Variants in DSG1 observed in about 807,000 individuals in gnomAD.
DSG1 encodes the protein desmoglein-1.
In DSG1, 39 loss-of-function variants were observed where a neutral mutation model predicts 97.5. The observed-to-expected ratio is 0.40, with a 90% CI of 0.31 to 0.52. The LOEUF is 0.52. DSG1 is among the 20% of genes least tolerant of loss of function. DSG1 has a pLI of 0.53. For synonymous variants in DSG1, 475 were observed against 443.4 expected (o/e 1.07, Z -0.90); for missense variants, 1,311 against 1,295.4 (o/e 1.01, Z -0.18).
At position 31,334,147 on chromosome 18, in the gene DSG1, G is replaced by C; in HGVS notation, c.950G>C (p.Trp317Ser). The change falls in exon 8 of 15, where the codon TGG becomes TCG. Residue 317 changes from tryptophan to serine, a missense_variant. Transcript: ENST00000257192. ...IFFISGNEGN[W>S]FEIEMNERTN... is the part of the protein sequence containing the mutation. ...TTTATCTCTGGAAATGAAGGAAATT[G>C]GTTTGAGATAGAAATGAATGAAAGA... 2 of 1,609,562 alleles carry C rather than the reference G, an allele frequency of 1.2e-6. No homozygotes were observed. Among genetic ancestry groups the C allele is most frequent in the South Asian group, 2.2e-5 (2 of 90,960 alleles).
intron 3 of DSG1, among the ~76,000 whole-genome samples, chr18:31,327,458 A>T (rs192754484): frequency 6.6e-6 from 1 of 151,958 alleles, no homozygotes; most frequent in East Asian, 1.9e-4. Flanking sequence ...TTCTACATAC[A>T]CACACACTCA....
In DSG1 at chr18:31,354,958, T is replaced by C; in HGVS notation, c.2762T>C (p.Val921Ala). 6.2e-7 allele frequency: 1 copy of C among 1,614,108 alleles called. No homozygotes were observed. Among genetic ancestry groups the C allele is most frequent in the Non-Finnish European group, 8.5e-7 (1 of 1,180,026 alleles). ...IHHPRESSNV[V>A]VTERVIQPTS... ...CATCCTAGAGAGTCTTCAAATGTGG[T>C]AGTGACAGAAAGAGTAATCCAACCA... The change falls in exon 15 of 15, where the codon GTA (valine) becomes GCA (alanine). Residue 921 changes from valine to alanine, a missense_variant. Coordinates refer to ENST00000257192, the MANE Select transcript of DSG1 (RefSeq NM_001942.4).
chr18:31,340,018 C>T lies in DSG1; in HGVS notation c.1680C>T (p.Val560=), dbSNP rs760937538. 1 of 1,613,970 alleles carries T rather than the reference C, an allele frequency of 6.2e-7. No homozygotes were observed. Among genetic ancestry groups the T allele is most frequent in the Admixed American group, 1.7e-5 (1 of 60,010 alleles). The part of the protein sequence containing the change: ...GIGLLIMGFL[V]LGLVPFLMIC... ...GACTCCTCATCATGGGATTCTTGGTCTTAGGATGTAAGTACTTTAGCAATC... is the reference window on the plus strand; with the variant it reads ...GACTCCTCATCATGGGATTCTTGGTTTTAGGATGTAAGTACTTTAGCAATC... The change falls in exon 11 of 15, where the codon GTC becomes GTT. Residue 560 remains valine, a synonymous_variant. Transcript: ENST00000257192.
chr18:31,328,121 G>A, intron 3 of DSG1, 68 bp from the exon 4 acceptor site: 1 of 1,545,344 alleles, frequency 6.5e-7, no homozygotes, highest in African/African-American at 1.4e-5. Context: ...TCTCAAGAAA[G>A]CTGTCGTATA....
At position 31,355,511 on chromosome 18, in the gene DSG1, G is replaced by A. The variant is rs374118519; in HGVS notation, c.*165G>A. On this transcript the variant is annotated 3_prime_UTR_variant, in exon 15 of 15. Coordinates refer to ENST00000257192, the MANE Select transcript of DSG1 (RefSeq NM_001942.4). ...AATAAATGGAAACACCACTGCTAGG[G>A]GAGAGCTCTCCTTAGCATTCATAAA... is the stretch of plus-strand genomic sequence containing the variant. 9.2e-5 allele frequency: 66 copies of A among 720,856 alleles called. 2 individuals are homozygous for A. Among genetic ancestry groups the A allele is most frequent in the African/African-American group, 6.8e-4 (39 of 57,100 alleles). 44.7% of individuals were successfully genotyped at this position (720,856 alleles called of 1,614,324 possible).
chr18:31,337,816 G>A (rs1049592875), intron 9 of DSG1, among the ~76,000 whole-genome samples: 26 of 152,182 alleles, frequency 1.7e-4, no homozygotes, highest in Admixed American at 1.5e-3. Flanking sequence ...ATAGAATAGA[G>A]GCTCAAGGCA....
At chr18:31,323,518 C>T (rs754179153) in intron 1 of DSG1, among the ~76,000 whole-genome samples, 2 of 152,146 alleles carry the variant, frequency 1.3e-5, no homozygotes, top group Admixed American at 1.3e-4. Context: ...TGCCCATTCT[C>T]TCCTGCTCTC....
chr18:31,319,387 T>G (rs976469417), intron 1 of DSG1, among the ~76,000 whole-genome samples: 5 of 152,188 alleles, frequency 3.3e-5, no homozygotes, highest in African/African-American at 1.2e-4. Context: ...TGATTCAAAG[T>G]ATGCTGGTTA....
chr18:31,347,115 A>C (rs1325764620), intron 14 of DSG1, among the ~76,000 whole-genome samples: 2 of 152,192 alleles, frequency 1.3e-5, no homozygotes, highest in Non-Finnish European at 2.9e-5. Context: ...TTCTGGCCTA[A>C]AGTGGTTTCA....
chr18:31,328,215 G>C lies in DSG1; in HGVS notation c.243G>C (p.Gln81His), dbSNP rs74368609. The C allele has an allele frequency of 1.0e-3, 1,694 of 1,613,508 alleles. 18 individuals carry two copies. The African/African-American group carries it at 0.021, about 20-fold the overall frequency. ...TTCACTCAGATTGTGCTGCAAACCA[G>C]CAAGTTACATACCGCATCTCTGGAG... ...AKIHSDCAANQQVTYRISGVG... is the reference protein window; with the variant it reads ...AKIHSDCAANHQVTYRISGVG... The change falls in exon 4 of 15, where the codon CAG becomes CAC. Residue 81 changes from glutamine (Q) to histidine (H), a missense_variant. Gln to His is a conservative substitution (Grantham distance 24). Coordinates refer to ENST00000257192, the MANE Select transcript of DSG1 (RefSeq NM_001942.4).
Position 31,354,381 on chromosome 18 carries a change from C to G in DSG1, c.2185C>G (p.Pro729Ala). 1.9e-6 allele frequency: 3 copies of G among 1,614,176 alleles called. No homozygotes were observed. Among genetic ancestry groups the G allele is most frequent in the Non-Finnish European group, 2.5e-6 (3 of 1,180,026 alleles). The change falls in exon 15 of 15, where the codon CCT becomes GCT. Residue 729 changes from proline (P) to alanine (A), a missense_variant. Around this residue, in one of 3 missense-constraint regions of DSG1, gnomAD observed 1,038 missense variants for 964.6 expected, o/e 1.08. Transcript: ENST00000257192. ...LIYDIEGVGSPAGSVGCCSFI... is the reference protein window; with the variant it reads ...LIYDIEGVGSAAGSVGCCSFI... ...ATATGACATCGAAGGTGTAGGTTCC[C>G]CTGCTGGCTCTGTGGGTTGTTGTAG... is the stretch of plus-strand genomic sequence containing the variant.
At chr18:31,333,544 G>T in intron 6 of DSG1, 45 bp from the exon 7 acceptor site, 1 of 1,612,674 alleles carries the variant, frequency 6.2e-7, no homozygotes, top group Non-Finnish European at 8.5e-7. Context: ...CAAAGTAAAG[G>T]CTGTCTACGT....
intron 8 of DSG1, among the ~76,000 whole-genome samples, chr18:31,335,890 C>T (rs2071748743): frequency 6.6e-6 from 1 of 151,160 alleles, no homozygotes; most frequent in African/African-American, 2.4e-5. Context: ...CAAAGAGTCA[C>T]ACTTACAGAT....
In DSG1 at chr18:31,340,606, T is replaced by C. The variant is rs116801513; in HGVS notation, c.1687+581T>C. The stretch of plus-strand genomic sequence containing the variant: ...TACAGAGAAAGAGTAAACTCTGAGT[T>C]GCATTTTAAAAGATGAATAAGAATT... On this transcript the variant is annotated intron_variant, in intron 11 of 14. Transcript: ENST00000257192. Among the ~76,000 whole-genome samples, 406 of 150,434 alleles carry C rather than the reference T, an allele frequency of 2.7e-3. 3 individuals are homozygous for C. The highest frequency in any genetic ancestry group is 9.2e-3 in the African/African-American group (380 of 41,118).
intron 1 of DSG1, among the ~76,000 whole-genome samples, chr18:31,320,762 T>C (rs1311634096): frequency 6.6e-6 from 1 of 152,214 alleles, no homozygotes; most frequent in African/African-American, 2.4e-5. Flanking sequence ...CTGAGAACAA[T>C]GCTTCTTATG....
At chr18:31,333,566 T>A (rs1179814950) in intron 6 of DSG1, 23 bp from the exon 7 acceptor site, 1 of 1,613,622 alleles carries the variant, frequency 6.2e-7, no homozygotes, top group East Asian at 2.2e-5. Context: ...AAGTGTGATA[T>A]TGCCTGTAAT....
intron 14 of DSG1, among the ~76,000 whole-genome samples, chr18:31,346,824 T>C (rs898191192): frequency 6.6e-6 from 1 of 152,226 alleles, no homozygotes. Flanking sequence ...CATCCATATA[T>C]TCTCTACGTT....
intron 6 of DSG1, 36 bp from the exon 7 acceptor site, chr18:31,333,553 G>T: frequency 6.2e-7 from 1 of 1,613,276 alleles, no homozygotes. Context: ...GGCTGTCTAC[G>T]TCAAGTGTGA....
At chr18:31,343,709 A>C in intron 12 of DSG1, 126 bp downstream of exon 12, 3 of 1,422,664 alleles carry the variant, frequency 2.1e-6, no homozygotes, top group Non-Finnish European at 2.9e-6. Context: ...CTAATGGAGA[A>C]AATGAAGAGG....
Sources: allele counts gnomAD v4.1 joint callset (sites outside exome capture counted in the v4.1 genomes callset), GRCh38; gene constraint gnomAD v4.1.1; regional missense constraint gnomAD v4.1.1; transcripts MANE v1.5; gene names NCBI Gene and HGNC (gene_info 2026-07-23, HGNC 2026-07-21).